Variants in ITSN2 observed in about 807,000 individuals in gnomAD.
ITSN2 encodes intersectin-2.
Under a neutral mutation model 243.7 loss-of-function variants are expected in ITSN2, and 156 were observed. The observed-to-expected ratio is 0.64, with a 90% CI of 0.56 to 0.73. The LOEUF (loss-of-function observed/expected upper bound fraction) is 0.73. Ranked by LOEUF, ITSN2 falls within the 30% of genes least tolerant of loss-of-function variation. The pLI, the probability that ITSN2 is intolerant of heterozygous loss-of-function variation, is 0.00. For missense variants in ITSN2, 1,801 were observed against 1,996.1 expected (o/e 0.90, Z 1.86); for synonymous variants, 703 against 699.9 (o/e 1.00, Z -0.07).
chr2:24,218,599 C>T (rs573424482), intron 30 of ITSN2, among the ~76,000 whole-genome samples: 10 of 151,874 alleles, frequency 6.6e-5, no homozygotes, highest in African/African-American at 2.4e-4. Context: ...TGTACACACA[C>T]GCGTGTGTGT....
intron 4 of ITSN2, among the ~76,000 whole-genome samples, chr2:24,313,221 A>G (rs747531671): frequency 7.3e-5 from 11 of 151,472 alleles, no homozygotes; most frequent in Non-Finnish European, 1.5e-4. Context: ...AGTAGCTGGG[A>G]CTAGAGGTGT....
intron 15 of ITSN2, 113 bp from the exon 16 acceptor site, chr2:24,286,464 T>C (rs567724598): frequency 1.5e-5 from 12 of 817,108 alleles, no homozygotes; most frequent in South Asian, 1.2e-4. Context: ...GAAGGATGTA[T>C]ACACAATGCA....
intron 29 of ITSN2, among the ~76,000 whole-genome samples, chr2:24,233,482 T>A (rs1297637941): frequency 6.6e-6 from 1 of 152,218 alleles, no homozygotes; most frequent in Non-Finnish European, 1.5e-5. Context: ...AACTGATGAC[T>A]GTTCTGCTTT....
At chr2:24,270,291 C>T (rs147090700) in intron 20 of ITSN2, among the ~76,000 whole-genome samples, 180 of 152,290 alleles carry the variant, frequency 1.2e-3, no homozygotes, top group African/African-American at 3.9e-3. Context: ...TAAAGACTTT[C>T]GTTCCAAGGA....
At chr2:24,293,572 G>C in intron 15 of ITSN2, 116 bp downstream of exon 15, 1 of 457,960 alleles carries the variant, frequency 2.2e-6, no homozygotes, top group East Asian at 3.8e-5. Flanking sequence ...TAAACTTACA[G>C]GCAAAAAGTG....
At chr2:24,256,722 G>C (rs1048479019) in intron 23 of ITSN2, among the ~76,000 whole-genome samples, 1 of 151,890 alleles carries the variant, frequency 6.6e-6, no homozygotes, top group Non-Finnish European at 1.5e-5. Flanking sequence ...ATGAGGATTA[G>C]AACAGGCATG....
intron 7 of ITSN2, among the ~76,000 whole-genome samples, chr2:24,309,683 C>G (rs1683009891): frequency 6.6e-6 from 1 of 152,090 alleles, no homozygotes; most frequent in South Asian, 2.1e-4. Flanking sequence ...TCCCAACAAA[C>G]TTAAAAAATA....
Position 24,308,653 on chromosome 2 carries a change from TA to T in ITSN2, c.756del (p.Phe252LeufsTer8). The T allele has an allele frequency of 6.5e-7, 1 of 1,538,064 alleles. No individual in the cohort carries two copies. The highest frequency in any genetic ancestry group is 8.8e-7 in the Non-Finnish European group (1 of 1,137,320). ...QPTRLKYRQK[F>X]NTLDKSMSGY... ...CCACTCATACTTTTGTCAAGAGTAT[TA>T]AATTTTTGCCGATATTTTAATCTTG... On this transcript the variant is annotated frameshift_variant, in exon 8 of 40. Transcript: ENST00000355123. LOFTEE classifies it high-confidence loss of function.
intron 32 of ITSN2, 40 bp downstream of exon 32, chr2:24,216,009 T>C (rs1669922043): frequency 2.7e-6 from 4 of 1,497,932 alleles, no homozygotes; most frequent in Non-Finnish European, 3.6e-6. Flanking sequence ...GCCTCCAGCC[T>C]CAGAAGGAGC....
rs140535339 is a variant in ITSN2 at position 24,225,197 on chromosome 2, T to A, written c.3578-4131A>T. 5.9e-5 allele frequency among the ~76,000 whole-genome samples: 9 copies of A among 152,236 alleles called. No individual in the cohort carries two copies. The highest frequency in any genetic ancestry group is 1.3e-4 in the Non-Finnish European group (9 of 68,012). Reference sequence around the variant, plus strand: ...CTATGTTCACTCTTCGCCATTTCCTTCTTAGCCCATAAACATTGCTAAGTG... The same window carrying A: ...CTATGTTCACTCTTCGCCATTTCCTACTTAGCCCATAAACATTGCTAAGTG... On this transcript the variant is annotated intron_variant, in intron 29 of 39. Transcript: ENST00000355123. This position sits in a 1 kb window ranked among gnomAD's most constrained non-coding sequence, Gnocchi z 4.2.
Position 24,254,355 on chromosome 2 carries a change from C to T in ITSN2, c.2953+12G>A, listed in dbSNP as rs766526712. ...TGATTACCATCTAATTTACAAATTG[C>T]CAAAAGCTTACCTTCTCCAACTGAA... On this transcript the variant is annotated intron_variant, in intron 24 of 39. Coordinates refer to ENST00000355123, the MANE Select transcript of ITSN2 (RefSeq NM_006277.3). The T allele has an allele frequency of 2.5e-6, 4 of 1,599,470 alleles. No individual in the cohort carries two copies. The highest frequency in any genetic ancestry group is 3.4e-6 in the Non-Finnish European group (4 of 1,167,290).
chr2:24,305,641 A>G (rs549476587), intron 8 of ITSN2, among the ~76,000 whole-genome samples: 5 of 151,954 alleles, frequency 3.3e-5, no homozygotes, highest in African/African-American at 1.2e-4. Context: ...AAACAAACAT[A>G]TAAGTCCAGG....
rs148173579 is a variant in ITSN2, at chr2:24,315,855, T to G, written c.32-631A>C. Reference sequence around the variant, plus strand: ...AAGTTTCCTGAGGCCTCTCCAGCCATGTGGAACTGTGAGTCAATTAAACCC... The same window carrying G: ...AAGTTTCCTGAGGCCTCTCCAGCCAGGTGGAACTGTGAGTCAATTAAACCC... On this transcript the variant is annotated intron_variant, in intron 2 of 39. Coordinates refer to ENST00000355123, the MANE Select transcript of ITSN2 (RefSeq NM_006277.3). Among the ~76,000 whole-genome samples, 852 of 152,368 alleles carry G rather than the reference T, an allele frequency of 5.6e-3. 10 individuals are homozygous for G. Among genetic ancestry groups the G allele is most frequent in the African/African-American group, 0.019 (776 of 41,596 alleles).
chr2:24,335,478 G>A (rs1371143330), intron 1 of ITSN2, among the ~76,000 whole-genome samples: 3 of 152,120 alleles, frequency 2.0e-5, no homozygotes, highest in Non-Finnish European at 2.9e-5. Flanking sequence ...GACTACAGGC[G>A]TGTACCACCA....
chr2:24,357,489 G>A (rs1389787972), intron 1 of ITSN2, among the ~76,000 whole-genome samples: 1 of 152,088 alleles, frequency 6.6e-6, no homozygotes, highest in Admixed American at 6.5e-5. Context: ...GGGCAATGAG[G>A]GAAGGGGACT....
intron 1 of ITSN2, among the ~76,000 whole-genome samples, chr2:24,342,979 T>A (rs1445065004): frequency 6.6e-6 from 1 of 151,510 alleles, no homozygotes; most frequent in Non-Finnish European, 1.5e-5. Flanking sequence ...TGGTCCCAAG[T>A]ACTCAGGAGG....
At chr2:24,274,256 C>A (rs555744337) in intron 18 of ITSN2, among the ~76,000 whole-genome samples, 29 of 152,166 alleles carry the variant, frequency 1.9e-4, no homozygotes, top group African/African-American at 7.0e-4. Context: ...TCTATTATCT[C>A]GTTAGGAGGC....
intron 15 of ITSN2, among the ~76,000 whole-genome samples, chr2:24,286,693 T>C (rs1296825150): frequency 6.6e-6 from 1 of 152,188 alleles, no homozygotes; most frequent in African/African-American, 2.4e-5. Flanking sequence ...GTGATGGATA[T>C]AAAGCCATTG....
rs746153312 is a variant in ITSN2, at chr2:24,299,913, C to T, written c.1340G>A (p.Arg447Gln). 8 of 1,594,168 alleles carry T rather than the reference C, an allele frequency of 5.0e-6. No homozygotes were observed. The highest frequency in any genetic ancestry group is 1.4e-5 in the African/African-American group (1 of 73,548). ...EEERRKDIER[R>Q]EAAKQELERQ... ...AGTAAAAAACTTAAAAATAACCTCTCGTCTTTCTATGTCTTTTCTCCTTTC... is the reference window on the plus strand; with the variant it reads ...AGTAAAAAACTTAAAAATAACCTCTTGTCTTTCTATGTCTTTTCTCCTTTC... The change falls in exon 12 of 40, where the codon CGA (arginine) becomes CAA (glutamine). Residue 447 changes from arginine (R) to glutamine (Q), a missense_variant. This residue lies in a region of ITSN2 where 787 missense variants were observed against 803.9 expected (regional missense o/e 0.98). Transcript: ENST00000355123.
Sources: gnomAD v4.1 joint callset for allele counts (sites outside exome capture counted in the v4.1 genomes callset) on GRCh38, gnomAD v4.1.1 for gene constraint, gnomAD v4.1.1 regional missense constraint, Gnocchi (gnomAD v3.1) non-coding constraint, MANE v1.5 for transcripts, NCBI Gene and HGNC (gene_info 2026-07-23, HGNC 2026-07-21) for gene names.